Variants in MYO15B observed in about 807,000 individuals in gnomAD.
MYO15B encodes the protein myosin XVB.
MYO15B carries 207 observed loss-of-function variants against 119.3 expected under a neutral mutation model. The observed-to-expected ratio is 1.73, with a 90% CI of 1.55 to 1.95. The LOEUF (loss-of-function observed/expected upper bound fraction) is 1.95, where lower values mean the gene tolerates loss of function less well. Ranked by LOEUF, MYO15B falls within the 30% of genes most tolerant of loss-of-function variation. MYO15B has a pLI of 0.00. For missense variants in MYO15B, 2,264 were observed against 1,203.1 expected (o/e 1.88, Z -13.04); for synonymous variants, 966 against 498.9 (o/e 1.94, Z -12.48).
intron 43 of MYO15B, among the ~76,000 whole-genome samples, 198 bp downstream of exon 43, chr17:75,618,383 G>T (rs931100039): frequency 6.6e-6 from 1 of 152,222 alleles, no homozygotes; most frequent in African/African-American, 2.4e-5. Context: ...GGCCAGGTGC[G>T]GTGGCTCATG....
At position 75,591,806 on chromosome 17, in the gene MYO15B, C is replaced by T. The variant is rs142342010; in HGVS notation, c.2547+94C>T. ...CCATGTCCAAGGGACTATCTTTCTCCTTTCAGCCAGGAGAGGGGTGGTCTC... is the reference window on the plus strand; with the variant it reads ...CCATGTCCAAGGGACTATCTTTCTCTTTTCAGCCAGGAGAGGGGTGGTCTC... On this transcript the variant is annotated intron_variant, in intron 5 of 63. Transcript: ENST00000645453. The T allele has an allele frequency of 6.4e-5, 44 of 690,068 alleles. No individual in the cohort carries two copies. The African/African-American group carries it at 7.2e-4, about 11-fold the overall frequency. 42.7% of individuals were successfully genotyped at this position (690,068 alleles called of 1,614,324 possible). A position where few individuals can be genotyped will look rare whatever the true frequency, so the allele number is the denominator to read the frequency against.
rs2058730874 is a variant in MYO15B at position 75,621,872 on chromosome 17, C to T, written c.8006-132C>T. 9.5e-6 allele frequency: 6 copies of T among 629,822 alleles called. No homozygotes were observed. The South Asian group carries it at 1.1e-4, about 11-fold the overall frequency. 39.0% of individuals were successfully genotyped at this position (629,822 alleles called of 1,614,324 possible). On this transcript the variant is annotated intron_variant, in intron 52 of 63. Transcript: ENST00000645453. ...ATGAGTCGAGCTGCAACCAGCTGCC[C>T]TGGCTGGCATCTATGCATTTTGAGA... is the stretch of plus-strand genomic sequence containing the variant.
Position 75,589,096 on chromosome 17 carries a change from C to T in MYO15B, c.1039C>T (p.Pro347Ser), listed in dbSNP as rs896575488. ...GGTGGTCCGCAGGCTCCTCGCGAGG[C>T]CCCCGCCAGGCGCCGCTTCCCAGGC... Residue 347 changes from proline (P) to serine (S), a missense_variant, in exon 1 of 64, where the codon CCC becomes TCC. Transcript: ENST00000645453. This position sits in a 1 kb window ranked among gnomAD's most constrained non-coding sequence, Gnocchi z 4.2. 2.3e-5 allele frequency: 9 copies of T among 393,346 alleles called. No homozygotes were observed. Among genetic ancestry groups the T allele is most frequent in the African/African-American group, 1.9e-4 (9 of 48,326 alleles). 24.4% of individuals were successfully genotyped at this position (393,346 alleles called of 1,614,324 possible).
chr17:75,618,307 G>A (rs540633936), intron 43 of MYO15B, 122 bp downstream of exon 43: 26 of 654,426 alleles, frequency 4.0e-5, no homozygotes, highest in East Asian at 5.5e-5. Flanking sequence ...GCACTGGGGG[G>A]CACTTCTGTG....
chr17:75,615,520 C>T lies in MYO15B; in HGVS notation c.5758C>T (p.Gln1920Ter), dbSNP rs1467690452. 1.1e-5 allele frequency: 8 copies of T among 698,456 alleles called. No homozygotes were observed. The highest frequency in any genetic ancestry group is 1.8e-5 in the Non-Finnish European group (7 of 383,064). The allele number at this position is 698,456 out of a possible 1,614,324, so 43.3% of individuals were successfully genotyped here. A position where few individuals can be genotyped will look rare whatever the true frequency, so the allele number is the denominator to read the frequency against. ...CCTCACAGCCATGGTGGTGCCGCCG[C>T]AGCCACCGCTTCCCAGCCTGGATGC... The change falls in exon 35 of 64, where the codon CAG becomes TAG. Residue 1920 changes from glutamine (Q) to a stop codon, truncating the protein, a stop_gained. Coordinates refer to ENST00000645453, the Ensembl canonical transcript of MYO15B. LOFTEE classifies it high-confidence loss of function.
intron 29 of MYO15B, 172 bp from the exon 30 acceptor site, chr17:75,614,027 C>T: frequency 1.7e-6 from 1 of 603,352 alleles, no homozygotes; most frequent in East Asian, 2.8e-5. Context: ...AAGTGGAGGG[C>T]CGTGAGGTGA....
chr17:75,625,946 A>C, exon 62 of MYO15B: 1 of 702,546 alleles, frequency 1.4e-6, no homozygotes, highest in Admixed American at 2.0e-5. Context: ...CTCAACCGCC[A>C]GCATCTCATC....
intron 12 of MYO15B, 143 bp from the exon 13 acceptor site, chr17:75,596,317 A>T: frequency 1.6e-6 from 1 of 612,620 alleles, no homozygotes; most frequent in Non-Finnish European, 2.9e-6. Context: ...GCTGTGCCGG[A>T]TCCTTTAGAC....
chr17:75,623,914 T>C lies in MYO15B; in HGVS notation c.8157-35T>C, dbSNP rs1309660656. 4 of 702,668 alleles carry C rather than the reference T, an allele frequency of 5.7e-6. No homozygotes were observed. In the Admixed American group the frequency reaches 6.0e-5, roughly 11 times the overall value. The allele number at this position is 702,668 out of a possible 1,614,324, so 43.5% of individuals were successfully genotyped here. ...CTGGGGGCAGCTGGGCACTGTGGCC[T>C]GGCCAGCCTGAAGCCCGAGCGCTCT... is the stretch of plus-strand genomic sequence containing the variant. On this transcript the variant is annotated intron_variant, in intron 54 of 63. Transcript: ENST00000645453.
At chr17:75,619,265 C>T (rs958487038) in intron 44 of MYO15B, 47 bp downstream of exon 44, 7 of 702,650 alleles carry the variant, frequency 1.0e-5, no homozygotes, top group African/African-American at 5.2e-5. Flanking sequence ...TGCTGGGGGC[C>T]GCGCCTGCCC....
chr17:75,616,407 G>GAGGAGGAGC (rs1421152963), exon 38 of MYO15B: 6 of 625,236 alleles, frequency 9.6e-6, no homozygotes, highest in East Asian at 2.7e-5. Flanking sequence ...GGAGGAGGAG[G>GAGGAGGAGC]AGGAGGAGCA....
chr17:75,592,941 G>T lies in MYO15B; in HGVS notation c.2991+101G>T, dbSNP rs536163442. On this transcript the variant is annotated intron_variant, in intron 9 of 63. Transcript: ENST00000645453. ...GCTGGTGTGTAGGAGACTACAGAGT[G>T]CTGGGCTGCCCTGAAAAGTGGGTAG... is the stretch of plus-strand genomic sequence containing the variant. The T allele has an allele frequency of 6.0e-5, 37 of 619,416 alleles. No homozygotes were observed. In the East Asian group the frequency reaches 8.8e-4, roughly 15 times the overall value. 38.4% of individuals were successfully genotyped at this position (619,416 alleles called of 1,614,324 possible). A position where few individuals can be genotyped will look rare whatever the true frequency, so the allele number is the denominator to read the frequency against.
chr17:75,592,763 C>T, exon 9 of MYO15B: 1 of 702,854 alleles, frequency 1.4e-6, no homozygotes, highest in Non-Finnish European at 2.6e-6. Context: ...CGGCTTGTGC[C>T]CAGAGGAGTT....
Position 75,615,849 on chromosome 17 carries a change from C to T in MYO15B, c.5995C>T (p.Gln1999Ter). 1.4e-6 allele frequency: 1 copy of T among 700,312 alleles called. No homozygotes were observed. The allele number at this position is 700,312 out of a possible 1,614,324, so 43.4% of individuals were successfully genotyped here. A position where few individuals can be genotyped will look rare whatever the true frequency, so the allele number is the denominator to read the frequency against. ...GCCCCCCACACCCCCGGAGAAGCCA[C>T]AGCGTGACCTGGGATCAGAGGGTGG... The change falls in exon 36 of 64, where the codon CAG becomes TAG. Residue 1999 changes from glutamine (Q) to a stop codon, truncating the protein, a stop_gained. Transcript: ENST00000645453. LOFTEE classifies it high-confidence loss of function.
chr17:75,605,465 G>C (rs903411802), intron 19 of MYO15B, 39 bp from the exon 20 acceptor site: 7 of 680,932 alleles, frequency 1.0e-5, no homozygotes, highest in Non-Finnish European at 1.9e-5. Flanking sequence ...GTAAAAGGAG[G>C]TTCTGGCTAT....
intron 21 of MYO15B, chr17:75,607,239 C>T (rs969560269): frequency 5.2e-5 from 18 of 344,470 alleles, no homozygotes; most frequent in African/African-American, 2.7e-4. Context: ...CCCAAGACCC[C>T]CAGCCCCTGG....
At chr17:75,620,395 G>A (rs1197165234) in intron 48 of MYO15B, 38 bp downstream of exon 48, 1 of 702,836 alleles carries the variant, frequency 1.4e-6, no homozygotes, top group Admixed American at 2.0e-5. Flanking sequence ...CACAGGGAGG[G>A]CATCCACTTG....
intron 36 of MYO15B, 62 bp downstream of exon 36, chr17:75,615,946 C>T: frequency 1.6e-6 from 1 of 612,154 alleles, no homozygotes; most frequent in Non-Finnish European, 2.9e-6. Context: ...GGGCAGGGGA[C>T]ATGGGCAGGG....
At chr17:75,617,360 C>T (rs1222518430) in intron 41 of MYO15B, 56 bp downstream of exon 41, 13 of 586,338 alleles carry the variant, frequency 2.2e-5, no homozygotes, top group Admixed American at 9.7e-5. Flanking sequence ...AGGCAGGGTT[C>T]GCACAGACTC....
Sources: allele counts gnomAD v4.1 joint callset (sites outside exome capture counted in the v4.1 genomes callset), GRCh38; gene constraint gnomAD v4.1.1; non-coding constraint Gnocchi (gnomAD v3.1); transcripts MANE v1.5; gene names NCBI Gene and HGNC (gene_info 2026-07-23, HGNC 2026-07-21).